Variants in ASCC1 observed in about 807,000 individuals in gnomAD.
ASCC1 encodes activating signal cointegrator 1 complex subunit 1, also known as ASC-1 complex subunit P50.
A neutral mutation model predicts 46.6 loss-of-function variants in ASCC1; 35 were observed. That is an observed-to-expected ratio of 0.75 (90% CI 0.57 to 0.99). The LOEUF (loss-of-function observed/expected upper bound fraction) is 0.99. Ranked by LOEUF, ASCC1 falls within the 50% of genes least tolerant of loss-of-function variation. ASCC1 has a pLI of 0.00. For synonymous variants in ASCC1, 143 were observed against 146.6 expected, an observed-to-expected ratio of 0.98 and a Z score of 0.18; for missense variants, 376 against 428.7, an observed-to-expected ratio of 0.88 and a Z score of 1.09.
chr10:72,195,118 G>T (rs1445601976), intron 5 of ASCC1, among the ~76,000 whole-genome samples: 3 of 131,632 alleles, frequency 2.3e-5, no homozygotes, highest in Non-Finnish European at 3.3e-5. Flanking sequence ...GGTTTTTTAG[G>T]TTTTGTGTGT....
intron 7 of ASCC1, among the ~76,000 whole-genome samples, chr10:72,136,678 C>T (rs1002970054): frequency 1.9e-4 from 29 of 152,214 alleles, no homozygotes; most frequent in African/African-American, 7.0e-4. Context: ...AAGCTTTGTT[C>T]TTTCACTCTT....
chr10:72,156,186 G>A (rs1376729888), intron 6 of ASCC1, among the ~76,000 whole-genome samples: 1 of 152,132 alleles, frequency 6.6e-6, no homozygotes, highest in African/African-American at 2.4e-5. Flanking sequence ...AAATCTACTT[G>A]TTTCAAAGTG....
chr10:72,208,687 G>T (rs1418637567), intron 3 of ASCC1, among the ~76,000 whole-genome samples: 1 of 152,122 alleles, frequency 6.6e-6, no homozygotes, highest in African/African-American at 2.4e-5. Flanking sequence ...TTGAACCAAA[G>T]GGGAGGAGGT....
chr10:72,107,383 T>G (rs1842457200), intron 9 of ASCC1, among the ~76,000 whole-genome samples: 1 of 150,352 alleles, frequency 6.7e-6, no homozygotes, highest in Admixed American at 6.6e-5. Flanking sequence ...AAATTCTGAG[T>G]TTCTGCCAAA....
At chr10:72,207,025 G>A (rs1273711545) in intron 3 of ASCC1, among the ~76,000 whole-genome samples, 1 of 152,126 alleles carries the variant, frequency 6.6e-6, no homozygotes, top group Non-Finnish European at 1.5e-5. Flanking sequence ...CAGGTGTGCG[G>A]CATGACATAT....
At chr10:72,209,709 T>G (rs969972790) in intron 3 of ASCC1, among the ~76,000 whole-genome samples, 4 of 152,056 alleles carry the variant, frequency 2.6e-5, no homozygotes, top group Non-Finnish European at 5.9e-5. Flanking sequence ...GCTTGAACCC[T>G]GAGGGCGGAG....
chr10:72,133,185 G>C lies in ASCC1; in HGVS notation c.747-4C>G, dbSNP rs141996717. Reference sequence around the variant, plus strand: ...TCGATCAACTAATTCTTGTAGCCTGGAGAAATTGGAGAAAAGTAATGCAGA... The same window carrying C: ...TCGATCAACTAATTCTTGTAGCCTGCAGAAATTGGAGAAAAGTAATGCAGA... On this transcript the variant is annotated splice_region_variant and splice_polypyrimidine_tract_variant and intron_variant, in intron 7 of 9. Transcript: ENST00000672957. 4.1e-3 allele frequency: 6,679 copies of C among 1,613,954 alleles called. 25 individuals carry two copies. Among genetic ancestry groups the C allele is most frequent in the Middle Eastern group, 0.011 (66 of 6,060 alleles).
intron 9 of ASCC1, among the ~76,000 whole-genome samples, chr10:72,114,295 G>A (rs943651313): frequency 3.9e-5 from 6 of 152,060 alleles, no homozygotes; most frequent in African/African-American, 1.2e-4. Context: ...TTCAGTTTGC[G>A]GCTCTCTTTT....
chr10:72,201,021 C>G (rs1464980808), intron 4 of ASCC1, among the ~76,000 whole-genome samples: 2 of 152,182 alleles, frequency 1.3e-5, no homozygotes, highest in African/African-American at 4.8e-5. Flanking sequence ...TGACCAGTAC[C>G]TGACACGTGC....
At chr10:72,144,348 A>G (rs967891321) in intron 7 of ASCC1, among the ~76,000 whole-genome samples, 2 of 152,168 alleles carry the variant, frequency 1.3e-5, no homozygotes, top group Non-Finnish European at 2.9e-5. Flanking sequence ...TTTGCCTCAT[A>G]TATCTTTTTC....
chr10:72,170,466 G>A (rs1850926485), intron 5 of ASCC1, among the ~76,000 whole-genome samples: 1 of 151,952 alleles, frequency 6.6e-6, no homozygotes, highest in Admixed American at 6.6e-5. Context: ...AAGACAAAGA[G>A]CCGGCGTGGC....
chr10:72,096,957 G>C lies in ASCC1; in HGVS notation c.*377C>G, dbSNP rs1360055794. On this transcript the variant is annotated 3_prime_UTR_variant, in exon 10 of 10. Coordinates refer to ENST00000672957, the MANE Select transcript of ASCC1 (RefSeq NM_001198800.3). ...GTACAGTTTCCATTTTACAAGCTGA[G>C]AAGCCTATGGAGATGGACGGCGGTG... is the stretch of plus-strand genomic sequence containing the variant. 1 of 454,492 alleles carries C rather than the reference G, an allele frequency of 2.2e-6. No homozygotes were observed. Among genetic ancestry groups the C allele is most frequent in the African/African-American group, 2.0e-5 (1 of 50,014 alleles). The allele number at this position is 454,492 out of a possible 1,614,324, so 28.2% of individuals were successfully genotyped here. A position where few individuals can be genotyped will look rare whatever the true frequency, so the allele number is the denominator to read the frequency against.
At chr10:72,104,294 C>G (rs1842114936) in intron 9 of ASCC1, among the ~76,000 whole-genome samples, 1 of 152,146 alleles carries the variant, frequency 6.6e-6, no homozygotes, top group South Asian at 2.1e-4. Flanking sequence ...CTTGCTGTTC[C>G]TATATTCACT....
intron 7 of ASCC1, among the ~76,000 whole-genome samples, chr10:72,148,882 T>C (rs746900237): frequency 3.9e-5 from 6 of 152,144 alleles, no homozygotes; most frequent in Non-Finnish European, 8.8e-5. Flanking sequence ...ACTTGTCAAA[T>C]TTAGAGTAGT....
intron 1 of ASCC1, among the ~76,000 whole-genome samples, chr10:72,214,206 A>AC (rs1491094950): frequency 2.0e-5 from 3 of 151,304 alleles, no homozygotes; most frequent in Admixed American, 2.0e-4. Context: ...AACAACAACA[A>AC]CAAAAAAAAG....
intron 5 of ASCC1, among the ~76,000 whole-genome samples, chr10:72,195,230 T>C (rs562096853): frequency 3.9e-5 from 5 of 128,776 alleles, no homozygotes; most frequent in Non-Finnish European, 6.3e-5. Flanking sequence ...CACTGACACC[T>C]CCACCTCCTA....
intron 9 of ASCC1, among the ~76,000 whole-genome samples, 184 bp downstream of exon 9, chr10:72,127,898 T>G (rs992081409): frequency 6.6e-6 from 1 of 151,758 alleles, no homozygotes; most frequent in African/African-American, 2.4e-5. Flanking sequence ...TCAAATACTC[T>G]AGAAGTGCCA....
chr10:72,209,554 C>G (rs2133470860), intron 3 of ASCC1, among the ~76,000 whole-genome samples: 1 of 152,154 alleles, frequency 6.6e-6, no homozygotes, highest in African/African-American at 2.4e-5. Context: ...GAAGCTGAGG[C>G]AGGTGGATCA....
intron 9 of ASCC1, among the ~76,000 whole-genome samples, chr10:72,108,076 CTTT>C (rs375287948): frequency 5.5e-5 from 7 of 128,340 alleles, no homozygotes; most frequent in Admixed American, 1.6e-4. Flanking sequence ...TTTTCTTTTT[CTTT>C]TTTTTTTTTT....
Sources: gnomAD v4.1 joint callset for allele counts (sites outside exome capture counted in the v4.1 genomes callset) on GRCh38, gnomAD v4.1.1 for gene constraint, MANE v1.5 for transcripts, NCBI Gene and HGNC (gene_info 2026-07-23, HGNC 2026-07-21) for gene names.